The following RNGTT variants were observed in gnomAD, a reference collection of about 807,000 sequenced individuals.
The protein encoded by RNGTT is RNA guanylyltransferase and 5'-phosphatase.
RNGTT carries 33 observed loss-of-function variants against 79.3 expected under a neutral mutation model. That is an observed-to-expected ratio of 0.42 (90% CI 0.32 to 0.56). The LOEUF is 0.56. RNGTT is among the 20% of genes least tolerant of loss of function. The probability of loss-of-function intolerance (pLI) is 0.17; values close to 1 mark genes in which losing one functional copy is unlikely to be tolerated. For missense variants in RNGTT, 497 were observed against 739.1 expected (o/e 0.67, Z 3.80); for synonymous variants, 222 against 235.9 (o/e 0.94, Z 0.54).
chr6:88,712,688 T>C (rs182198276), intron 13 of RNGTT, among the ~76,000 whole-genome samples: 1 of 152,352 alleles, frequency 6.6e-6, no homozygotes, highest in East Asian at 1.9e-4. Flanking sequence ...TTCTTTAGTA[T>C]CACCTCAAAC....
intron 11 of RNGTT, among the ~76,000 whole-genome samples, chr6:88,842,936 A>T (rs185183320): frequency 6.6e-6 from 1 of 151,832 alleles, no homozygotes; most frequent in Non-Finnish European, 1.5e-5. Flanking sequence ...TTAGCTGGAC[A>T]TGGTAGTATG....
At chr6:88,751,377 G>A (rs144586800) in intron 13 of RNGTT, among the ~76,000 whole-genome samples, 10 of 152,028 alleles carry the variant, frequency 6.6e-5, no homozygotes, top group Admixed American at 1.3e-4. Context: ...CCAAAAAGAA[G>A]TAAATTTGAT....
At chr6:88,644,751 C>A (rs1449890216) in intron 14 of RNGTT, among the ~76,000 whole-genome samples, 3 of 152,144 alleles carry the variant, frequency 2.0e-5, no homozygotes, top group African/African-American at 7.2e-5. Flanking sequence ...AAGACAAAAA[C>A]CACATGATTA....
intron 13 of RNGTT, among the ~76,000 whole-genome samples, chr6:88,696,773 G>C (rs542437365): frequency 1.1e-4 from 16 of 152,192 alleles, no homozygotes; most frequent in African/African-American, 3.9e-4. Flanking sequence ...AGACAAGTAA[G>C]AAAATTGACT....
At chr6:88,772,918 T>C (rs921901401) in intron 12 of RNGTT, among the ~76,000 whole-genome samples, 15 of 152,036 alleles carry the variant, frequency 9.9e-5, no homozygotes, top group Non-Finnish European at 5.9e-5. Flanking sequence ...GTGGTGATTC[T>C]TCAGGGATCT....
intron 13 of RNGTT, among the ~76,000 whole-genome samples, chr6:88,695,223 C>T (rs1229407420): frequency 6.6e-6 from 1 of 152,058 alleles, no homozygotes; most frequent in Non-Finnish European, 1.5e-5. Flanking sequence ...AGTGAAGAGA[C>T]AACCTACAGA....
intron 1 of RNGTT, among the ~76,000 whole-genome samples, chr6:88,959,923 C>G (rs1785560727): frequency 6.6e-6 from 1 of 152,210 alleles, no homozygotes. Flanking sequence ...CCATCATCAT[C>G]CTATCCTAAC....
intron 14 of RNGTT, among the ~76,000 whole-genome samples, chr6:88,636,003 A>C (rs918391881): frequency 3.3e-5 from 5 of 152,094 alleles, no homozygotes; most frequent in Admixed American, 1.3e-4. Flanking sequence ...TCATTTATAC[A>C]ACAAGTATTT....
chr6:88,622,927 A>G (rs1447658690), intron 14 of RNGTT, among the ~76,000 whole-genome samples: 1 of 152,166 alleles, frequency 6.6e-6, no homozygotes, highest in Non-Finnish European at 1.5e-5. Context: ...ACAAACAAGA[A>G]AACAACTACA....
chr6:88,843,899 AAGAAAACC>A (rs1433291513), intron 11 of RNGTT, among the ~76,000 whole-genome samples: 4 of 149,948 alleles, frequency 2.7e-5, no homozygotes, highest in African/African-American at 9.7e-5. Context: ...AAAATACTAA[AAGAAAACC>A]TTCAATGTAT....
intron 12 of RNGTT, among the ~76,000 whole-genome samples, chr6:88,771,421 G>T: frequency 6.9e-6 from 1 of 145,860 alleles, no homozygotes; most frequent in African/African-American, 2.5e-5. Flanking sequence ...CTTTCTTCCT[G>T]CTAATAGAAT....
intron 12 of RNGTT, among the ~76,000 whole-genome samples, chr6:88,779,576 T>C (rs1778993984): frequency 6.6e-6 from 1 of 152,132 alleles, no homozygotes; most frequent in Non-Finnish European, 1.5e-5. Context: ...ACAGCAATAA[T>C]TCAGAAACTT....
At chr6:88,659,970 C>A (rs906881609) in intron 14 of RNGTT, among the ~76,000 whole-genome samples, 3 of 152,182 alleles carry the variant, frequency 2.0e-5, no homozygotes, top group Non-Finnish European at 4.4e-5. Context: ...AGAAACCTTA[C>A]AAACCAGCAG....
chr6:88,956,867 C>T (rs554495457), intron 1 of RNGTT, among the ~76,000 whole-genome samples: 12 of 151,978 alleles, frequency 7.9e-5, no homozygotes, highest in Non-Finnish European at 1.5e-4. Flanking sequence ...GGTGAAACCC[C>T]GCTTCTATTA....
At chr6:88,951,972 G>A (rs1197539990) in intron 1 of RNGTT, among the ~76,000 whole-genome samples, 2 of 152,158 alleles carry the variant, frequency 1.3e-5, no homozygotes, top group Non-Finnish European at 2.9e-5. Context: ...CACAAAAGCT[G>A]CCCAGTGGGC....
chr6:88,804,339 A>C (rs1354639451), intron 11 of RNGTT, among the ~76,000 whole-genome samples: 1 of 152,208 alleles, frequency 6.6e-6, no homozygotes, highest in Non-Finnish European at 1.5e-5. Context: ...GTCCTCCAAT[A>C]GCCACTTAAA....
chr6:88,757,830 T>C (rs1778071135), intron 13 of RNGTT, among the ~76,000 whole-genome samples: 2 of 152,188 alleles, frequency 1.3e-5, no homozygotes, highest in South Asian at 4.1e-4. Context: ...GCCAACCATG[T>C]AGCTAAATTT....
intron 6 of RNGTT, among the ~76,000 whole-genome samples, chr6:88,904,264 G>A (rs1043498111): frequency 6.6e-6 from 1 of 152,080 alleles, no homozygotes; most frequent in Non-Finnish European, 1.5e-5. Context: ...TGAAAAGACA[G>A]ACTCGTGGCT....
In RNGTT at chr6:88,611,096, T is replaced by C. The variant is rs1772006732; in HGVS notation, c.*1623A>G. 6.6e-6 allele frequency: 1 copy of C among 152,226 alleles called. No individual in the cohort carries two copies. Among genetic ancestry groups the C allele is most frequent in the Non-Finnish European group, 1.5e-5 (1 of 68,036 alleles). 9.4% of individuals were successfully genotyped at this position (152,226 alleles called of 1,614,324 possible). ...AGTAAAAAACGTTACAATGGCGTTT[T>C]GGATAAATTCACTATACATTACATG... is the stretch of plus-strand genomic sequence containing the variant. On this transcript the variant is annotated 3_prime_UTR_variant, in exon 16 of 16. Coordinates refer to ENST00000369485, the MANE Select transcript of RNGTT (RefSeq NM_003800.5).
Sources: allele counts gnomAD v4.1 joint callset (sites outside exome capture counted in the v4.1 genomes callset), GRCh38; gene constraint gnomAD v4.1.1; transcripts MANE v1.5; gene names NCBI Gene and HGNC (gene_info 2026-07-23, HGNC 2026-07-21).